SEPTIN14: variants seen among roughly 807,000 people sequenced by gnomAD.
The protein encoded by SEPTIN14 is septin-14.
SEPTIN14 carries 40 observed loss-of-function variants against 53.6 expected under a neutral mutation model. That is an observed-to-expected ratio of 0.75 (90% confidence interval 0.58 to 0.97). The LOEUF (loss-of-function observed/expected upper bound fraction) is 0.97. Among genes scored for constraint, SEPTIN14 ranks in the 50% least tolerant of loss-of-function variants. SEPTIN14 has a pLI of 0.00. For synonymous variants in SEPTIN14, 138 were observed against 166.8 expected, an observed-to-expected ratio of 0.83 and a Z score of 1.33; for missense variants, 471 against 508.2, an observed-to-expected ratio of 0.93 and a Z score of 0.70.
intron 6 of SEPTIN14, among the ~76,000 whole-genome samples, chr7:55,824,607 A>T (rs28766320): frequency 0.079 from 11,307 of 142,832 alleles, 943 homozygotes; most frequent in African/African-American, 0.22. Context: ...ACATGGTGAA[A>T]CCCCATCTCT....
chr7:55,844,288 G>A (rs1789363675), intron 4 of SEPTIN14, among the ~76,000 whole-genome samples: 1 of 152,002 alleles, frequency 6.6e-6, no homozygotes, highest in African/African-American at 2.4e-5. Context: ...AAGGAAATAA[G>A]CTAAAACTAA....
At chr7:55,848,113 A>C (rs1219157759) in intron 2 of SEPTIN14, among the ~76,000 whole-genome samples, 2 of 152,216 alleles carry the variant, frequency 1.3e-5, no homozygotes, top group Non-Finnish European at 2.9e-5. Flanking sequence ...GAAAGATTTT[A>C]AGGTAGAAGC....
intron 8 of SEPTIN14, among the ~76,000 whole-genome samples, chr7:55,806,122 G>T (rs960914866): frequency 6.7e-6 from 1 of 150,186 alleles, no homozygotes. Flanking sequence ...TCAGCCTCCC[G>T]AGTTAACTGG....
chr7:55,841,640 G>A (rs951761603), intron 5 of SEPTIN14, among the ~76,000 whole-genome samples: 3 of 152,104 alleles, frequency 2.0e-5, no homozygotes, highest in South Asian at 2.1e-4. Context: ...TGGATCACCC[G>A]AGGTCGGGAG....
At position 55,830,046 on chromosome 7, in the gene SEPTIN14, C is replaced by T. The variant is rs557384219; in HGVS notation, c.720+4379G>A. Reference sequence around the variant, plus strand: ...ACAAAAAATTAGCCGGGCGTGGTGGCGGGCGCCTATAGTCCCAGCTACTCA... The same window carrying T: ...ACAAAAAATTAGCCGGGCGTGGTGGTGGGCGCCTATAGTCCCAGCTACTCA... On this transcript the variant is annotated intron_variant, in intron 6 of 9. Transcript: ENST00000388975. Among the ~76,000 whole-genome samples the T allele has an allele frequency of 3.6e-3, 540 of 149,040 alleles. 1 individual carries two copies. Among genetic ancestry groups the T allele is most frequent in the Non-Finnish European group, 6.4e-3 (432 of 67,070 alleles).
intron 9 of SEPTIN14, among the ~76,000 whole-genome samples, chr7:55,799,981 G>A (rs1788500580): frequency 2.0e-5 from 3 of 152,054 alleles, no homozygotes; most frequent in Admixed American, 2.0e-4. Flanking sequence ...ATCATATATT[G>A]GGCCACAAAA....
chr7:55,826,915 G>A (rs1470108893), intron 6 of SEPTIN14, among the ~76,000 whole-genome samples: 1 of 152,056 alleles, frequency 6.6e-6, no homozygotes, highest in African/African-American at 2.4e-5. Context: ...TGGCACTGCT[G>A]TCACTTTAGC....
intron 6 of SEPTIN14, among the ~76,000 whole-genome samples, chr7:55,819,444 C>T (rs980731123): frequency 1.8e-4 from 28 of 152,002 alleles, no homozygotes; most frequent in Non-Finnish European, 3.5e-4. Flanking sequence ...AAAAAATTAG[C>T]CGGGCATGGT....
chr7:55,804,191 C>A (rs1788574053), intron 9 of SEPTIN14, among the ~76,000 whole-genome samples: 1 of 147,168 alleles, frequency 6.8e-6, no homozygotes, highest in Admixed American at 6.8e-5. Context: ...GTCTCTTGTC[C>A]TTAGATGTCA....
chr7:55,840,985 C>T (rs961835660), intron 5 of SEPTIN14, among the ~76,000 whole-genome samples: 1 of 152,086 alleles, frequency 6.6e-6, no homozygotes, highest in Non-Finnish European at 1.5e-5. Flanking sequence ...CTGCAACCTC[C>T]GCCTCCCTGG....
intron 2 of SEPTIN14, among the ~76,000 whole-genome samples, chr7:55,846,902 C>G (rs1167806424): frequency 6.6e-6 from 1 of 151,952 alleles, no homozygotes; most frequent in East Asian, 1.9e-4. Context: ...TTAAAAGAGA[C>G]AGGGGACAGG....
At chr7:55,813,641 G>A (rs538162330) in intron 7 of SEPTIN14, among the ~76,000 whole-genome samples, 2 of 150,784 alleles carry the variant, frequency 1.3e-5, no homozygotes, top group Admixed American at 1.3e-4. Context: ...ACACAAGAGA[G>A]TCCTTCCACT....
chr7:55,807,016 C>A, intron 8 of SEPTIN14, 74 bp downstream of exon 8: 1 of 1,063,352 alleles, frequency 9.4e-7, no homozygotes, highest in Non-Finnish European at 1.3e-6. Context: ...TTCTCATATC[C>A]AAATTATCAT....
chr7:55,814,189 T>C (rs912591903), intron 7 of SEPTIN14, among the ~76,000 whole-genome samples: 5 of 152,180 alleles, frequency 3.3e-5, no homozygotes, highest in African/African-American at 1.2e-4. Context: ...TACCACCTAA[T>C]ACATTCCCTT....
intron 6 of SEPTIN14, among the ~76,000 whole-genome samples, chr7:55,824,503 C>T (rs1788950524): frequency 6.6e-6 from 1 of 151,964 alleles, no homozygotes. Context: ...TTTTTTTAGG[C>T]CAAGCACAGT....
intron 2 of SEPTIN14, among the ~76,000 whole-genome samples, chr7:55,859,540 C>T (rs912713832): frequency 6.6e-6 from 1 of 152,108 alleles, no homozygotes; most frequent in Admixed American, 6.5e-5. Flanking sequence ...ATGTGTGATG[C>T]TCTGTGTTCA....
intron 7 of SEPTIN14, among the ~76,000 whole-genome samples, chr7:55,816,866 C>T (rs1788802647): frequency 6.6e-6 from 1 of 152,110 alleles, no homozygotes; most frequent in Non-Finnish European, 1.5e-5. Flanking sequence ...ATCAATAAGA[C>T]AAACAAGTGC....
At position 55,820,243 on chromosome 7, in the gene SEPTIN14, T is replaced by C. The variant is rs150401305; in HGVS notation, c.721-1020A>G. Among the ~76,000 whole-genome samples, 424 of 152,314 alleles carry C rather than the reference T, an allele frequency of 2.8e-3. 5 individuals carry two copies. The highest frequency in any genetic ancestry group is 0.01 in the Middle Eastern group (3 of 294). On this transcript the variant is annotated intron_variant, in intron 6 of 9. Coordinates refer to ENST00000388975, the MANE Select transcript of SEPTIN14 (RefSeq NM_207366.3). ...CTTGAACTCCTGACCTCAGGTGTTC[T>C]GTCCACCTCAGCCTCCCAAAGTGCT...
chr7:55,848,875 G>T lies in SEPTIN14; in HGVS notation c.55-2238C>A, dbSNP rs185143637. Among the ~76,000 whole-genome samples, 151 of 152,044 alleles carry T rather than the reference G, an allele frequency of 9.9e-4. 2 individuals are homozygous for T. The highest frequency in any genetic ancestry group is 3.5e-3 in the African/African-American group (144 of 41,494). On this transcript the variant is annotated intron_variant, in intron 2 of 9. Transcript: ENST00000388975. Reference sequence around the variant, plus strand: ...GCCCGCCTCGGCCTCCCAAAGTGCTGGGATTACAGGCATGAGCCACCGCGC... The same window carrying T: ...GCCCGCCTCGGCCTCCCAAAGTGCTTGGATTACAGGCATGAGCCACCGCGC...
Sources: gnomAD v4.1 joint callset for allele counts (sites outside exome capture counted in the v4.1 genomes callset) on GRCh38, gnomAD v4.1.1 for gene constraint, MANE v1.5 for transcripts, NCBI Gene and HGNC (gene_info 2026-07-23, HGNC 2026-07-21) for gene names.